KIAA0513: variants seen among roughly 807,000 people sequenced by gnomAD.
The protein encoded by KIAA0513 is KIAA0513.
In KIAA0513, 39 loss-of-function variants were observed where a neutral mutation model predicts 56.5. That is an observed-to-expected ratio of 0.69 (90% confidence interval 0.53 to 0.90). The LOEUF is 0.90. KIAA0513 is among the 40% of genes least tolerant of loss of function. The pLI is 0.00. For missense variants in KIAA0513, 591 were observed against 535.2 expected, an observed-to-expected ratio of 1.10 and a Z score of -1.03; for synonymous variants, 268 against 215.6, an observed-to-expected ratio of 1.24 and a Z score of -2.13.
intron 1 of KIAA0513, among the ~76,000 whole-genome samples, chr16:85,050,317 GTTGA>G (rs981334692): frequency 2.4e-4 from 35 of 147,428 alleles, no homozygotes; most frequent in South Asian, 6.7e-4. Context: ...TGGAGGAGCT[GTTGA>G]TTGATATTTA....
chr16:85,055,847 T>C (rs1220210928), intron 1 of KIAA0513, among the ~76,000 whole-genome samples: 1 of 152,208 alleles, frequency 6.6e-6, no homozygotes, highest in Non-Finnish European at 1.5e-5. Context: ...TTCATCAGTG[T>C]GACAGCCGAG....
chr16:85,061,726 C>T (rs1054531664), intron 1 of KIAA0513, among the ~76,000 whole-genome samples: 2 of 152,174 alleles, frequency 1.3e-5, no homozygotes, highest in African/African-American at 4.8e-5. Context: ...GTGAGCACAG[C>T]TCCATGGGGA....
intron 1 of KIAA0513, among the ~76,000 whole-genome samples, chr16:85,041,777 C>T (rs956370462): frequency 9.9e-5 from 15 of 152,198 alleles, no homozygotes; most frequent in African/African-American, 3.6e-4. Flanking sequence ...CCCTGTTTCT[C>T]TGTGTTACCC....
At position 85,092,578 on chromosome 16, in the gene KIAA0513, T is replaced by C. The variant is rs2073880666; in HGVS notation, c.*4253T>C. 1 of 152,256 alleles carries C rather than the reference T, an allele frequency of 6.6e-6. No homozygotes were observed. The highest frequency in any genetic ancestry group is 1.5e-5 in the Non-Finnish European group (1 of 68,054). 9.4% of individuals were successfully genotyped at this position (152,256 alleles called of 1,614,324 possible). The stretch of plus-strand genomic sequence containing the variant: ...GCCAGATTCTCACTCAAGGTCGTTC[T>C]CACTCCTTTTCCTGTCCCGTTTCCA... On this transcript the variant is annotated 3_prime_UTR_variant, in exon 13 of 13. Transcript: ENST00000683363.
intron 1 of KIAA0513, among the ~76,000 whole-genome samples, chr16:85,046,302 AC>A: frequency 6.6e-6 from 1 of 152,088 alleles, no homozygotes; most frequent in Non-Finnish European, 1.5e-5. Context: ...ATCTTACCTA[AC>A]CTGGAGTGCT....
chr16:85,028,455 C>T (rs979234308), intron 1 of KIAA0513, among the ~76,000 whole-genome samples: 2 of 152,284 alleles, frequency 1.3e-5, no homozygotes, highest in South Asian at 4.1e-4. Context: ...CTTCCCTCTG[C>T]TCTTGATGGG....
intron 2 of KIAA0513, among the ~76,000 whole-genome samples, chr16:85,071,495 G>A (rs1046192613): frequency 1.3e-5 from 2 of 152,190 alleles, no homozygotes; most frequent in Non-Finnish European, 2.9e-5. Context: ...GTCAGGAGGC[G>A]CAGGGGAAGG....
intron 7 of KIAA0513, 81 bp from the exon 8 acceptor site, chr16:85,078,844 G>T (rs2073698548): frequency 1.4e-6 from 2 of 1,449,718 alleles, no homozygotes; most frequent in African/African-American, 1.4e-5. Context: ...GAAACTGGCT[G>T]CTGGGAGGCT....
intron 1 of KIAA0513, among the ~76,000 whole-genome samples, chr16:85,055,118 C>T (rs182095030): frequency 1.9e-4 from 29 of 152,144 alleles, no homozygotes; most frequent in Admixed American, 6.5e-4. Context: ...GAGACAGAGT[C>T]TCACTGTGTG....
intron 10 of KIAA0513, among the ~76,000 whole-genome samples, chr16:85,084,920 G>A (rs905945153): frequency 5.3e-5 from 8 of 152,232 alleles, no homozygotes; most frequent in Non-Finnish European, 1.2e-4. Flanking sequence ...GCTACTGCCA[G>A]TGACCATTTA....
chr16:85,082,776 G>A (rs1263010328), intron 10 of KIAA0513, among the ~76,000 whole-genome samples, 183 bp downstream of exon 10: 1 of 152,224 alleles, frequency 6.6e-6, no homozygotes, highest in African/African-American at 2.4e-5. Context: ...GGGCAGGCTG[G>A]CAATGCGTCC....
At chr16:85,086,850 T>G in intron 11 of KIAA0513, 126 bp downstream of exon 11, 1 of 930,386 alleles carries the variant, frequency 1.1e-6, no homozygotes, top group East Asian at 2.6e-5. Flanking sequence ...TCATCACACT[T>G]GGCCTCCATG....
chr16:85,070,820 G>A (rs999077726), intron 2 of KIAA0513, among the ~76,000 whole-genome samples: 2 of 152,318 alleles, frequency 1.3e-5, no homozygotes, highest in Admixed American at 6.5e-5. Context: ...TAACGAAAGG[G>A]GAAAATGCCC....
At chr16:85,086,497 C>A in intron 10 of KIAA0513, 147 bp from the exon 11 acceptor site, 1 of 740,890 alleles carries the variant, frequency 1.3e-6, no homozygotes, top group Non-Finnish European at 2.4e-6. Context: ...GCCCAGCACA[C>A]GGCTCTCCGG....
intron 10 of KIAA0513, among the ~76,000 whole-genome samples, chr16:85,085,816 TC>T (rs1264209347): frequency 6.6e-6 from 1 of 152,216 alleles, no homozygotes; most frequent in Non-Finnish European, 1.5e-5. Context: ...GGAGAACGCA[TC>T]AGGGTCCCCG....
rs2073250403 is a variant in KIAA0513, at chr16:85,051,395, C to G, written c.-172-15505C>G. Reference sequence around the variant, plus strand: ...TTTAGTGGAGAAGAACTGCATTAAGCTTTATAAAATGTTATCTCAGAAGAG... The same window carrying G: ...TTTAGTGGAGAAGAACTGCATTAAGGTTTATAAAATGTTATCTCAGAAGAG... On this transcript the variant is annotated intron_variant, in intron 1 of 12. Transcript: ENST00000683363. Among the ~76,000 whole-genome samples the G allele has an allele frequency of 2.0e-5, 3 of 152,278 alleles. No individual in the cohort carries two copies. The South Asian group carries it at 6.2e-4, about 32-fold the overall frequency.
chr16:85,076,726 C>G lies in KIAA0513; in HGVS notation c.575-699C>G, dbSNP rs1235653297. On this transcript the variant is annotated intron_variant, in intron 5 of 12. Coordinates refer to ENST00000683363, the MANE Select transcript of KIAA0513 (RefSeq NM_001388359.1). The surrounding 1 kb of genome is among the most constrained non-coding windows in gnomAD (Gnocchi z 4.7). Reference sequence around the variant, plus strand: ...GTCCCAGCCTCACCAGTGGGCAGGCCCTTCCTGCCAGGCCACACGTCGGCT... The same window carrying G: ...GTCCCAGCCTCACCAGTGGGCAGGCGCTTCCTGCCAGGCCACACGTCGGCT... 6.6e-6 allele frequency among the ~76,000 whole-genome samples: 1 copy of G among 152,160 alleles called. No homozygotes were observed. The highest frequency in any genetic ancestry group is 1.5e-5 in the Non-Finnish European group (1 of 68,030).
chr16:85,077,341 T>G, intron 5 of KIAA0513, 84 bp from the exon 6 acceptor site: 1 of 1,328,842 alleles, frequency 7.5e-7, no homozygotes, highest in Non-Finnish European at 1.1e-6. Flanking sequence ...ACAGGACCCC[T>G]GCGGGGCTCC....
chr16:85,033,992 G>A (rs1406252092), intron 1 of KIAA0513, among the ~76,000 whole-genome samples: 6 of 151,480 alleles, frequency 4.0e-5, no homozygotes, highest in Non-Finnish European at 7.4e-5. Flanking sequence ...CCCTCACCCC[G>A]TGGGCCATGC....
Sources: allele counts gnomAD v4.1 joint callset (sites outside exome capture counted in the v4.1 genomes callset), GRCh38; gene constraint gnomAD v4.1.1; non-coding constraint Gnocchi (gnomAD v3.1); transcripts MANE v1.5; gene names NCBI Gene and HGNC (gene_info 2026-07-23, HGNC 2026-07-21).